CSMD1: variants seen among roughly 807,000 people sequenced by gnomAD.
CSMD1 encodes CUB and Sushi multiple domains 1, also known as CUB and sushi domain-containing protein 1.
Under a neutral mutation model 417.5 loss-of-function variants are expected in CSMD1, and 213 were observed. The ratio of observed to expected loss-of-function variants is 0.51; its 90% CI spans 0.46 to 0.57. The LOEUF (loss-of-function observed/expected upper bound fraction) is 0.57. CSMD1 is among the 20% of genes least tolerant of loss of function. The probability of loss-of-function intolerance (pLI) is 0.00; values close to 1 mark genes in which losing one functional copy is unlikely to be tolerated. For synonymous variants in CSMD1, 2,862 were observed against 1,736.8 expected (o/e 1.65, Z -16.11); for missense variants, 6,923 against 4,529.7 (o/e 1.53, Z -15.17).
chr8:3,656,223 C>T lies in CSMD1; in HGVS notation c.1010-39426G>A, dbSNP rs752930359. On this transcript the variant is annotated intron_variant, in intron 7 of 69. Coordinates refer to ENST00000635120, the MANE Select transcript of CSMD1 (RefSeq NM_033225.6). ...ATTCAGAAGCCGCTGTTAGACATAA[C>T]CATGTGAGGGACCCAGGTAAACAGG... Among the ~76,000 whole-genome samples, 3 of 152,194 alleles carry T rather than the reference C, an allele frequency of 2.0e-5. No individual in the cohort carries two copies. The East Asian group carries it at 5.8e-4, about 29-fold the overall frequency.
At chr8:4,946,187 G>C (rs1206111330) in intron 1 of CSMD1, among the ~76,000 whole-genome samples, 2 of 152,068 alleles carry the variant, frequency 1.3e-5, no homozygotes, top group Non-Finnish European at 2.9e-5. Flanking sequence ...GTGTTGTTTT[G>C]GTCTGACTCA....
chr8:3,332,710 T>G (rs1372895323), intron 23 of CSMD1, among the ~76,000 whole-genome samples: 1 of 152,124 alleles, frequency 6.6e-6, no homozygotes, highest in Non-Finnish European at 1.5e-5. Context: ...CACTTTATTT[T>G]AAATGAAATT....
intron 20 of CSMD1, among the ~76,000 whole-genome samples, chr8:3,365,806 G>T (rs549864253): frequency 9.2e-5 from 14 of 152,310 alleles, no homozygotes; most frequent in African/African-American, 3.1e-4. Context: ...TTGAACTACA[G>T]TTGACCTTGA....
chr8:3,152,347 A>G (rs1033332806), intron 39 of CSMD1, among the ~76,000 whole-genome samples: 12 of 152,218 alleles, frequency 7.9e-5, no homozygotes, highest in Non-Finnish European at 1.8e-4. Flanking sequence ...CTATTAAAAT[A>G]ATTTCTTATA....
chr8:3,357,087 G>C (rs1443180732), intron 21 of CSMD1, among the ~76,000 whole-genome samples: 1 of 152,120 alleles, frequency 6.6e-6, no homozygotes, highest in African/African-American at 2.4e-5. Context: ...TGAGAGCTCT[G>C]CAGCGGCCAG....
intron 3 of CSMD1, among the ~76,000 whole-genome samples, chr8:4,189,060 G>C (rs1584987686): frequency 6.6e-6 from 1 of 152,182 alleles, no homozygotes; most frequent in African/African-American, 2.4e-5. Context: ...TGTTATAAGA[G>C]TGAAAGTTAA....
At chr8:4,582,182 T>C (rs1489492663) in intron 2 of CSMD1, among the ~76,000 whole-genome samples, 3 of 151,900 alleles carry the variant, frequency 2.0e-5, no homozygotes, top group African/African-American at 7.3e-5. Flanking sequence ...TTGACAGACA[T>C]GAGGTTTGTC....
At chr8:3,520,191 T>A (rs1367511365) in intron 10 of CSMD1, among the ~76,000 whole-genome samples, 1 of 151,972 alleles carries the variant, frequency 6.6e-6, no homozygotes, top group Non-Finnish European at 1.5e-5. Flanking sequence ...TCACTTAAAT[T>A]ATAATTTTTA....
At chr8:4,502,402 C>T (rs893159055) in intron 2 of CSMD1, among the ~76,000 whole-genome samples, 1 of 152,126 alleles carries the variant, frequency 6.6e-6, no homozygotes, top group South Asian at 2.1e-4. Flanking sequence ...ACAAAAAAGA[C>T]AGAGAGAACA....
At chr8:3,918,138 T>C (rs767784523) in intron 5 of CSMD1, among the ~76,000 whole-genome samples, 1 of 152,094 alleles carries the variant, frequency 6.6e-6, no homozygotes, top group Non-Finnish European at 1.5e-5. Context: ...CAATTGCTAA[T>C]ACTGCTCCAG....
intron 4 of CSMD1, among the ~76,000 whole-genome samples, chr8:4,023,583 C>CTTT (rs35976423): frequency 3.1e-4 from 40 of 130,478 alleles, no homozygotes; most frequent in African/African-American, 1.1e-3. Flanking sequence ...TGCTTTTCAA[C>CTTT]TTTTTTTTTT....
At chr8:4,065,699 A>G (rs2552094) in intron 3 of CSMD1, among the ~76,000 whole-genome samples, 127,064 of 152,192 alleles carry the variant, frequency 0.83, 53,108 homozygotes, top group Admixed American at 0.88. Context: ...TAGGAACACC[A>G]CATGTATCTG....
intron 1 of CSMD1, among the ~76,000 whole-genome samples, chr8:4,693,027 A>G (rs1025429728): frequency 6.6e-6 from 1 of 152,212 alleles, no homozygotes; most frequent in Admixed American, 6.5e-5. Context: ...ACTCCTGTCC[A>G]GAGGCCAATC....
chr8:3,712,392 GAGAGAGAGACAGAC>G (rs1484523359), intron 6 of CSMD1, among the ~76,000 whole-genome samples: 64 of 47,558 alleles, frequency 1.3e-3, no homozygotes, highest in Admixed American at 6.3e-3. Flanking sequence ...GAGAGAGAGA[GAGAGAGAGACAGAC>G]AGACAGACAG....
intron 3 of CSMD1, among the ~76,000 whole-genome samples, chr8:4,398,613 T>C (rs889788464): frequency 1.3e-5 from 2 of 152,196 alleles, no homozygotes; most frequent in African/African-American, 2.4e-5. Flanking sequence ...GCCAGGATTG[T>C]CTCGATCTCC....
At chr8:4,873,587 A>G (rs1802862326) in intron 1 of CSMD1, among the ~76,000 whole-genome samples, 1 of 152,136 alleles carries the variant, frequency 6.6e-6, no homozygotes, top group Non-Finnish European at 1.5e-5. Context: ...AAACAATTCA[A>G]CTTTTTTCAA....
intron 27 of CSMD1, among the ~76,000 whole-genome samples, chr8:3,226,031 C>G (rs1798482315): frequency 6.6e-6 from 1 of 152,188 alleles, no homozygotes; most frequent in South Asian, 2.1e-4. Context: ...TCCTTCACCA[C>G]CAGGGTTTGA....
chr8:4,633,414 T>A (rs929255579), intron 2 of CSMD1, among the ~76,000 whole-genome samples: 1 of 149,082 alleles, frequency 6.7e-6, no homozygotes, highest in African/African-American at 2.5e-5. Context: ...GCCCAGCTAA[T>A]TTTTTTTTGT....
chr8:4,388,827 T>C (rs924710150), intron 3 of CSMD1, among the ~76,000 whole-genome samples: 7 of 152,248 alleles, frequency 4.6e-5, no homozygotes, highest in Non-Finnish European at 1.5e-5. Flanking sequence ...TGAATAATCC[T>C]GCCTTCCCTT....
Sources: gnomAD v4.1 joint callset for allele counts (sites outside exome capture counted in the v4.1 genomes callset) on GRCh38, gnomAD v4.1.1 for gene constraint, MANE v1.5 for transcripts, NCBI Gene and HGNC (gene_info 2026-07-23, HGNC 2026-07-21) for gene names.